The following EPS15L1 variants were observed in gnomAD, a reference collection of about 807,000 sequenced individuals.
EPS15L1 encodes the protein epidermal growth factor receptor pathway substrate 15 like 1, also known as epidermal growth factor receptor substrate 15-like 1.
Under a neutral mutation model 117.1 loss-of-function variants are expected in EPS15L1, and 43 were observed. The ratio of observed to expected loss-of-function variants is 0.37; its 90% CI spans 0.29 to 0.47. EPS15L1 has a LOEUF of 0.47. Among genes scored for constraint, EPS15L1 ranks in the 20% least tolerant of loss-of-function variants. EPS15L1 has a pLI of 0.99. For missense variants in EPS15L1, 981 were observed against 1,164.0 expected (o/e 0.84, Z 2.29); for synonymous variants, 459 against 470.5 (o/e 0.98, Z 0.32).
intron 19 of EPS15L1, 63 bp from the exon 20 acceptor site, chr19:16,386,294 A>T (rs2144746324): frequency 7.6e-7 from 1 of 1,313,302 alleles, no homozygotes; most frequent in Non-Finnish European, 1.1e-6. Flanking sequence ...CCATTCATTC[A>T]ACCAGACCTT....
chr19:16,396,414 A>T (rs1278881268), intron 16 of EPS15L1, among the ~76,000 whole-genome samples: 1 of 152,116 alleles, frequency 6.6e-6, no homozygotes, highest in African/African-American at 2.4e-5. Context: ...GGCGCGCACC[A>T]CCAAGCCTGG....
chr19:16,429,027 T>C (rs970355277), intron 7 of EPS15L1, among the ~76,000 whole-genome samples: 2 of 152,126 alleles, frequency 1.3e-5, no homozygotes, highest in African/African-American at 4.8e-5. Flanking sequence ...TACTTTAAAC[T>C]TACCCTGAGT....
Position 16,437,007 on chromosome 19 carries a change from G to A in EPS15L1, c.310-8C>T. 6.2e-7 allele frequency: 1 copy of A among 1,613,462 alleles called. No homozygotes were observed. The highest frequency in any genetic ancestry group is 8.5e-7 in the Non-Finnish European group (1 of 1,179,424). ...AGGGCTGCTGGTGTCGTGCTGAGAA[G>A]AGAGAGAAACATTCCTTTGTGGCTG... is the stretch of plus-strand genomic sequence containing the variant. On this transcript the variant is annotated splice_region_variant and splice_polypyrimidine_tract_variant and intron_variant, in intron 5 of 23. Coordinates refer to ENST00000455140, the MANE Select transcript of EPS15L1 (RefSeq NM_001258374.3).
chr19:16,398,419 T>C (rs2092562584), intron 16 of EPS15L1, among the ~76,000 whole-genome samples: 1 of 151,866 alleles, frequency 6.6e-6, no homozygotes, highest in African/African-American at 2.4e-5. Flanking sequence ...CGTCAGGTGC[T>C]GACGACCACA....
intron 13 of EPS15L1, 133 bp downstream of exon 13, chr19:16,413,640 C>T (rs2092728588): frequency 1.3e-6 from 1 of 761,274 alleles, no homozygotes; most frequent in South Asian, 1.7e-5. Context: ...AAACTTCATT[C>T]TGCAGCCCCC....
At chr19:16,465,419 C>T (rs1011272346) in intron 1 of EPS15L1, among the ~76,000 whole-genome samples, 2 of 152,128 alleles carry the variant, frequency 1.3e-5, no homozygotes, top group Admixed American at 6.6e-5. Flanking sequence ...AGTGGTGGCT[C>T]ACACCTGTAA....
At position 16,371,313 on chromosome 19, in the gene EPS15L1, C is replaced by T. The variant is rs563011283; in HGVS notation, c.2380+5809G>A. Among the ~76,000 whole-genome samples the T allele has an allele frequency of 5.3e-5, 8 of 152,238 alleles. No homozygotes were observed. The highest frequency in any genetic ancestry group is 1.9e-4 in the African/African-American group (8 of 41,536). On this transcript the variant is annotated intron_variant, in intron 22 of 23. Transcript: ENST00000455140. This position sits in a 1 kb window ranked among gnomAD's most constrained non-coding sequence, Gnocchi z 4.7. ...CCCCGGCAGGGAGGTCAAGAACTCA[C>T]GGCCACCCTGGGTGGATGCCACACA...
chr19:16,411,202 G>A (rs900306118), intron 13 of EPS15L1, among the ~76,000 whole-genome samples: 6 of 152,182 alleles, frequency 3.9e-5, no homozygotes, highest in Non-Finnish European at 7.3e-5. Context: ...AATATTCCCC[G>A]ATGGGAGGAA....
rs991047139 is a variant in EPS15L1 at position 16,429,792 on chromosome 19, T to C, written c.499-1031A>G. Among the ~76,000 whole-genome samples the C allele has an allele frequency of 2.0e-5, 3 of 152,160 alleles. 1 individual carries two copies. The highest frequency in any genetic ancestry group is 7.2e-5 in the African/African-American group (3 of 41,428). On this transcript the variant is annotated intron_variant, in intron 7 of 23. Transcript: ENST00000455140. ...ACTCCACGGGGACCTCCACCTACTT[T>C]ACCAGGGATCCAGGACTCCAACAGG... is the stretch of plus-strand genomic sequence containing the variant.
intron 17 of EPS15L1, 116 bp from the exon 18 acceptor site, chr19:16,394,117 AG>A: frequency 3.4e-6 from 3 of 884,960 alleles, no homozygotes; most frequent in African/African-American, 1.6e-5. Flanking sequence ...CCTCCAGTGT[AG>A]GGAGAGAATG....
At chr19:16,464,951 T>C (rs113341124) in intron 1 of EPS15L1, among the ~76,000 whole-genome samples, 6,925 of 151,908 alleles carry the variant, frequency 0.046, 226 homozygotes, top group Non-Finnish European at 0.073. Flanking sequence ...TGGTGGCGGG[T>C]GCCTGTAGTC....
intron 16 of EPS15L1, among the ~76,000 whole-genome samples, chr19:16,400,359 A>AC (rs202246804): frequency 1.5e-4 from 23 of 149,822 alleles, no homozygotes; most frequent in Admixed American, 2.0e-4. Context: ...ACAAAAACAA[A>AC]AAAAAAAAAA....
Position 16,370,365 on chromosome 19 carries a change from G to A in EPS15L1, c.2380+6757C>T, listed in dbSNP as rs751274323. 6.6e-6 allele frequency among the ~76,000 whole-genome samples: 1 copy of A among 152,140 alleles called. No individual in the cohort carries two copies. Among genetic ancestry groups the A allele is most frequent in the Non-Finnish European group, 1.5e-5 (1 of 68,016 alleles). Reference sequence around the variant, plus strand: ...AGAGCTGCACCCAGAGCCCCCTTCTGAGGCGTCTGCCCCAGCCCTCACCTC... The same window carrying A: ...AGAGCTGCACCCAGAGCCCCCTTCTAAGGCGTCTGCCCCAGCCCTCACCTC... On this transcript the variant is annotated intron_variant, in intron 22 of 23. Transcript: ENST00000455140. This position sits in a 1 kb window ranked among gnomAD's most constrained non-coding sequence, Gnocchi z 5.2.
intron 15 of EPS15L1, 25 bp from the exon 16 acceptor site, chr19:16,402,510 A>G (rs183328529): frequency 1.1e-5 from 17 of 1,561,220 alleles, no homozygotes; most frequent in African/African-American, 8.3e-5. Flanking sequence ...CATCATCAGC[A>G]TTAAGCAGGG....
chr19:16,392,894 T>C (rs2092492982), intron 18 of EPS15L1, among the ~76,000 whole-genome samples: 1 of 151,646 alleles, frequency 6.6e-6, no homozygotes, highest in Non-Finnish European at 1.5e-5. Flanking sequence ...AATAAAAAAT[T>C]AGCCAGGTGT....
In EPS15L1 at chr19:16,443,245, G is replaced by T. The variant is rs549039598; in HGVS notation, c.34-1026C>A. Among the ~76,000 whole-genome samples, 53 of 152,246 alleles carry T rather than the reference G, an allele frequency of 3.5e-4. 1 individual carries two copies. The highest frequency in any genetic ancestry group is 1.2e-3 in the Admixed American group (18 of 15,290). ...CAGGGAAAAGAGGACTATCTTGGGG[G>T]CAGGATTACAGTGTTTATCCAACAA... is the stretch of plus-strand genomic sequence containing the variant. On this transcript the variant is annotated intron_variant, in intron 1 of 23. Coordinates refer to ENST00000455140, the MANE Select transcript of EPS15L1 (RefSeq NM_001258374.3).
At chr19:16,380,728 C>T (rs1300569262) in intron 21 of EPS15L1, among the ~76,000 whole-genome samples, 2 of 152,224 alleles carry the variant, frequency 1.3e-5, no homozygotes, top group Non-Finnish European at 2.9e-5. Flanking sequence ...CACACAGATG[C>T]GACTCTCTAG....
At chr19:16,360,735 G>A (rs1411046965) in intron 23 of EPS15L1, among the ~76,000 whole-genome samples, 4 of 152,138 alleles carry the variant, frequency 2.6e-5, no homozygotes, top group African/African-American at 9.7e-5. Context: ...GCAACACAGC[G>A]AGACCCTGTC....
rs554278231 is a variant in EPS15L1, at chr19:16,363,182, G to A, written c.2381-1198C>T. Among the ~76,000 whole-genome samples, 18 of 152,234 alleles carry A rather than the reference G, an allele frequency of 1.2e-4. 1 individual carries two copies. Among genetic ancestry groups the A allele is most frequent in the African/African-American group, 4.3e-4 (18 of 41,536 alleles). ...CCATGCTCCTGACACCCCTCTATCT[G>A]CCCAACGGAGTCCCTGGGCATTCAA... is the stretch of plus-strand genomic sequence containing the variant. On this transcript the variant is annotated intron_variant, in intron 22 of 23. Coordinates refer to ENST00000455140, the MANE Select transcript of EPS15L1 (RefSeq NM_001258374.3).
Sources: allele counts gnomAD v4.1 joint callset (sites outside exome capture counted in the v4.1 genomes callset), GRCh38; gene constraint gnomAD v4.1.1; non-coding constraint Gnocchi (gnomAD v3.1); transcripts MANE v1.5; gene names NCBI Gene and HGNC (gene_info 2026-07-23, HGNC 2026-07-21).